MROH2A: variants seen among roughly 807,000 people sequenced by gnomAD.
MROH2A encodes the protein maestro heat like repeat family member 2A.
MROH2A carries 174 observed loss-of-function variants against 200.4 expected under a neutral mutation model. The ratio of observed to expected loss-of-function variants is 0.87; its 90% confidence interval spans 0.77 to 0.98. MROH2A has a LOEUF of 0.98. MROH2A is among the 50% of genes least tolerant of loss of function. The pLI, the probability that MROH2A is intolerant of heterozygous loss-of-function variation, is 0.00. For synonymous variants in MROH2A, 829 were observed against 840.4 expected (o/e 0.99, Z 0.23); for missense variants, 2,045 against 2,139.6 (o/e 0.96, Z 0.87).
At position 233,802,387 on chromosome 2, in the gene MROH2A, CT is replaced by C. The variant is rs1702529914; in HGVS notation, c.1708+73del. ...GCTCCTTGTCTGGGAATGCCCACCC[CT>C]CTCCACATTCCTCCCACCCTCATTC... On this transcript the variant is annotated intron_variant, in intron 15 of 41. Coordinates refer to ENST00000389758, the MANE Select transcript of MROH2A (RefSeq NM_001394639.1). 71 of 1,460,426 alleles carry C rather than the reference CT, an allele frequency of 4.9e-5. No homozygotes were observed. In the South Asian group the frequency reaches 9.1e-4, roughly 19 times the overall value. The allele number at this position is 1,460,426 out of a possible 1,614,324, so 90.5% of individuals were successfully genotyped here.
At position 233,794,435 on chromosome 2, in the gene MROH2A, C is replaced by T; in HGVS notation, c.895C>T (p.Gln299Ter). ...TCTGCCCAACGATGACCTGCGGGAG[C>T]AGGTCTACGACTACATCCCCCTGCT... The part of the protein sequence containing the change: ...LLLPNDDLRE[Q>*]VYDYIPLLLA... Residue 299 changes from glutamine to a stop codon, truncating the protein, a stop_gained, in exon 8 of 42, where the codon CAG (glutamine) becomes TAG (stop). Transcript: ENST00000389758. LOFTEE classifies it high-confidence loss of function. 1 of 1,550,430 alleles carries T rather than the reference C, an allele frequency of 6.4e-7. No individual in the cohort carries two copies. Among genetic ancestry groups the T allele is most frequent in the South Asian group, 1.2e-5 (1 of 84,046 alleles).
rs149972409 is a variant in MROH2A at position 233,788,459 on chromosome 2, T to A, written c.277-1038T>A. Among the ~76,000 whole-genome samples, 1,134 of 152,028 alleles carry A rather than the reference T, an allele frequency of 7.5e-3. 12 individuals carry two copies. The highest frequency in any genetic ancestry group is 0.026 in the African/African-American group (1,070 of 41,438). On this transcript the variant is annotated intron_variant, in intron 3 of 41. Transcript: ENST00000389758. ...GTAGGAAACCAAGACCAAGACTCCC[T>A]GTACTGGATTTCACCAGTAGAACTT...
chr2:233,822,699 A>G, intron 33 of MROH2A, 143 bp downstream of exon 33: 1 of 1,129,816 alleles, frequency 8.9e-7, no homozygotes, highest in Non-Finnish European at 1.3e-6. Context: ...TGCCGTTCTC[A>G]TGTGTGTCAA....
intron 3 of MROH2A, among the ~76,000 whole-genome samples, chr2:233,783,638 C>G (rs1197259564): frequency 6.6e-6 from 1 of 152,100 alleles, no homozygotes; most frequent in Non-Finnish European, 1.5e-5. Flanking sequence ...CTCTGCCTCC[C>G]GGGTTCAAGC....
At chr2:233,803,768 T>TG (rs1160651661) in intron 16 of MROH2A, among the ~76,000 whole-genome samples, 7 of 152,156 alleles carry the variant, frequency 4.6e-5, no homozygotes. Context: ...TGCCTACCCC[T>TG]GGGGGTTGGC....
chr2:233,805,027 GA>G lies in MROH2A; in HGVS notation c.1969del (p.Thr657ProfsTer10). On this transcript the variant is annotated frameshift_variant, in exon 19 of 42. Transcript: ENST00000389758. LOFTEE classifies it high-confidence loss of function. ...AGTTTCTGCGAAACTCCCTCAAGAA[GA>G]CCCGGGGGTCTAGCTGGAGCCTGCG... is the stretch of plus-strand genomic sequence containing the variant. ...IQFLRNSLKK[T>X]RGSSWSLRLS... is the part of the protein sequence containing the mutation. The G allele has an allele frequency of 1.3e-6, 2 of 1,550,078 alleles. No individual in the cohort carries two copies. The highest frequency in any genetic ancestry group is 1.7e-6 in the Non-Finnish European group (2 of 1,146,766).
intron 22 of MROH2A, among the ~76,000 whole-genome samples, chr2:233,810,306 A>G (rs1245544543): frequency 6.6e-6 from 1 of 152,236 alleles, no homozygotes; most frequent in Non-Finnish European, 1.5e-5. Flanking sequence ...CCTCAGAATC[A>G]TGGCGGGAGA....
At chr2:233,809,363 C>A in intron 22 of MROH2A, 85 bp downstream of exon 22, 1 of 1,434,816 alleles carries the variant, frequency 7.0e-7, no homozygotes, top group Non-Finnish European at 9.5e-7. Flanking sequence ...GCTCCTGCAT[C>A]CCTACCCAGG....
At chr2:233,797,597 C>A (rs1377834900) in intron 11 of MROH2A, among the ~76,000 whole-genome samples, 1 of 152,132 alleles carries the variant, frequency 6.6e-6, no homozygotes, top group Non-Finnish European at 1.5e-5. Flanking sequence ...AATCTATGTT[C>A]ATTTATGCAT....
intron 2 of MROH2A, 77 bp from the exon 3 acceptor site, chr2:233,779,594 G>A: frequency 6.7e-7 from 1 of 1,493,632 alleles, no homozygotes; most frequent in Non-Finnish European, 9.1e-7. Context: ...CGCAGGTGGA[G>A]GCAAGGCCAG....
At chr2:233,802,447 A>G in intron 15 of MROH2A, 132 bp downstream of exon 15, 1 of 986,504 alleles carries the variant, frequency 1.0e-6, no homozygotes, top group African/African-American at 1.6e-5. Flanking sequence ...GTCCAAATTA[A>G]TACTATTAAT....
rs566428980 is a variant in MROH2A, at chr2:233,809,990, G to A, written c.2448+712G>A. Among the ~76,000 whole-genome samples, 6 of 152,248 alleles carry A rather than the reference G, an allele frequency of 3.9e-5. No individual in the cohort carries two copies. In the East Asian group the frequency reaches 1.2e-3, roughly 29 times the overall value. On this transcript the variant is annotated intron_variant, in intron 22 of 41. Coordinates refer to ENST00000389758, the MANE Select transcript of MROH2A (RefSeq NM_001394639.1). ...ACTAGTCCAGGTACCTCATCTAAGT[G>A]CAATCATATGATAGTTGTCCTTGTG...
Position 233,813,792 on chromosome 2 carries a change from G to C in MROH2A, c.2760+14G>C. ...GAGTCCATTAAGGTAGGTCCCTCTG[G>C]GATGCCTCATTTGCTGGGTCAGGAC... is the stretch of plus-strand genomic sequence containing the variant. On this transcript the variant is annotated intron_variant, in intron 25 of 41. Coordinates refer to ENST00000389758, the MANE Select transcript of MROH2A (RefSeq NM_001394639.1). 1.4e-6 allele frequency: 2 copies of C among 1,455,374 alleles called. No individual in the cohort carries two copies. 90.2% of individuals were successfully genotyped at this position (1,455,374 alleles called of 1,614,324 possible).
intron 39 of MROH2A, 47 bp downstream of exon 39, chr2:233,831,587 C>T: frequency 6.5e-7 from 1 of 1,535,212 alleles, no homozygotes; most frequent in East Asian, 2.5e-5. Flanking sequence ...TGGCCACACG[C>T]TGGCTTGGAG....
intron 14 of MROH2A, 109 bp from the exon 15 acceptor site, chr2:233,802,049 AGGGGACATCT>A: frequency 8.7e-7 from 1 of 1,147,038 alleles, no homozygotes; most frequent in South Asian, 1.8e-5. Flanking sequence ...TGAGACTGTC[AGGGGACATCT>A]CTGGGGAAGC....
chr2:233,794,928 C>T (rs553609446), intron 8 of MROH2A, among the ~76,000 whole-genome samples: 4 of 152,310 alleles, frequency 2.6e-5, no homozygotes, highest in African/African-American at 9.6e-5. Flanking sequence ...TTGCCTCTTC[C>T]AGCTTCTGGT....
upstream of MROH2A, among the ~76,000 whole-genome samples, chr2:233,777,788 T>C (rs568752934): frequency 1.3e-5 from 2 of 152,358 alleles, no homozygotes; most frequent in South Asian, 2.1e-4. Flanking sequence ...TATTTCATTG[T>C]TGTACCTATG....
At chr2:233,804,572 G>A in intron 18 of MROH2A, 25 bp downstream of exon 18, 1 of 1,550,808 alleles carries the variant, frequency 6.4e-7, no homozygotes, top group Non-Finnish European at 8.7e-7. Flanking sequence ...AGTTTGCTGA[G>A]GCCTGGGAGG....
Position 233,816,897 on chromosome 2 carries a change from A to G in MROH2A, c.2961+12A>G. The G allele has an allele frequency of 6.7e-7, 1 of 1,485,404 alleles. No individual in the cohort carries two copies. The highest frequency in any genetic ancestry group is 9.2e-7 in the Non-Finnish European group (1 of 1,088,238). The allele number at this position is 1,485,404 out of a possible 1,614,324, so 92.0% of individuals were successfully genotyped here. ...GCACTGCTGTCTGTGTGAGTCCAGG[A>G]GTCCCCAGCCCCCAGCCTGCTGCTC... On this transcript the variant is annotated intron_variant, in intron 27 of 41. Coordinates refer to ENST00000389758, the MANE Select transcript of MROH2A (RefSeq NM_001394639.1).
Sources: gnomAD v4.1 joint callset for allele counts (sites outside exome capture counted in the v4.1 genomes callset) on GRCh38, gnomAD v4.1.1 for gene constraint, MANE v1.5 for transcripts, NCBI Gene and HGNC (gene_info 2026-07-23, HGNC 2026-07-21) for gene names.